The following ZBBX variants were observed in gnomAD, a reference collection of about 807,000 sequenced individuals.
ZBBX encodes zinc finger B-box domain containing, also known as zinc finger B-box domain-containing protein 1.
Under a neutral mutation model 108.5 loss-of-function variants are expected in ZBBX, and 101 were observed. The ratio of observed to expected loss-of-function variants is 0.93; its 90% CI spans 0.79 to 1.10. The LOEUF is 1.10. Ranked by LOEUF, ZBBX falls within the 50% of genes least tolerant of loss-of-function variation. The pLI is 0.00. For synonymous variants in ZBBX, 356 were observed against 323.4 expected (o/e 1.10, Z -1.08); for missense variants, 1,009 against 941.4 (o/e 1.07, Z -0.94).
intron 1 of ZBBX, among the ~76,000 whole-genome samples, chr3:167,401,888 A>C (rs959980312): frequency 2.0e-5 from 3 of 152,142 alleles, no homozygotes; most frequent in Non-Finnish European, 1.5e-5. Flanking sequence ...TCAAAAGATA[A>C]AATAAAAATC....
At chr3:167,366,782 T>G (rs532679627) in intron 5 of ZBBX, 1 of 454,610 alleles carries the variant, frequency 2.2e-6, no homozygotes, top group East Asian at 7.0e-5. Flanking sequence ...AAACTCACTA[T>G]CAGGGCTGAT....
At chr3:167,242,136 T>C (rs564959454) in intron 21 of ZBBX, among the ~76,000 whole-genome samples, 2 of 152,290 alleles carry the variant, frequency 1.3e-5, no homozygotes, top group South Asian at 4.1e-4. Flanking sequence ...AAAAACCTTA[T>C]TCACATTGGG....
At chr3:167,381,748 C>A (rs959718621), upstream of ZBBX, among the ~76,000 whole-genome samples, 1 of 152,100 alleles carries the variant, frequency 6.6e-6, no homozygotes, top group African/African-American at 2.4e-5. Flanking sequence ...TTTCCTAGAT[C>A]CCAAAAATAC....
chr3:167,289,586 C>T (rs1041930338), intron 18 of ZBBX, among the ~76,000 whole-genome samples: 3 of 152,204 alleles, frequency 2.0e-5, no homozygotes, highest in African/African-American at 7.2e-5. Flanking sequence ...GTGCTTTTCC[C>T]GTGGTCTTCG....
chr3:167,326,113 T>A (rs1056482538), intron 11 of ZBBX, among the ~76,000 whole-genome samples: 4 of 152,144 alleles, frequency 2.6e-5, no homozygotes, highest in African/African-American at 9.7e-5. Flanking sequence ...CATAATATCT[T>A]TTAAATACTG....
intron 1 of ZBBX, among the ~76,000 whole-genome samples, chr3:167,385,397 A>G (rs1265840941): frequency 1.3e-5 from 2 of 152,046 alleles, no homozygotes; most frequent in Non-Finnish European, 2.9e-5. Context: ...CCGTAATTAG[A>G]GTTGGCAGAA....
In ZBBX at chr3:167,240,591, T is replaced by G; in HGVS notation, c.*202A>C. 1 of 461,248 alleles carries G rather than the reference T, an allele frequency of 2.2e-6. No homozygotes were observed. The highest frequency in any genetic ancestry group is 3.8e-6 in the Non-Finnish European group (1 of 263,344). 28.6% of individuals were successfully genotyped at this position (461,248 alleles called of 1,614,324 possible). ...TTACTAACATAATCTGCAATATAGA[T>G]TAGTGGTTGACATATAATATATCAT... On this transcript the variant is annotated 3_prime_UTR_variant, in exon 22 of 22. Transcript: ENST00000675490.
At chr3:167,357,296 C>T (rs1282797541) in intron 8 of ZBBX, among the ~76,000 whole-genome samples, 2 of 152,090 alleles carry the variant, frequency 1.3e-5, no homozygotes, top group Admixed American at 1.3e-4. Flanking sequence ...AGGAAGCCAG[C>T]TGAATGAAGA....
chr3:167,330,945 T>TCTCTCTCTCTCTCTCTCTCTC lies in ZBBX; in HGVS notation c.688-2830_688-2829insGAGAGAGAGAGAGAGAGAGAG, dbSNP rs1738465561. Among the ~76,000 whole-genome samples the TCTCTCTCTCTCTCTCTCTCTC allele has an allele frequency of 3.0e-3, 258 of 87,172 alleles. 4 individuals carry two copies. The highest frequency in any genetic ancestry group is 9.7e-3 in the South Asian group (19 of 1,960). The allele number at this position is 87,172 out of a possible 152,430, so 57.2% of individuals were successfully genotyped here. A position where few individuals can be genotyped will look rare whatever the true frequency, so the allele number is the denominator to read the frequency against. On this transcript the variant is annotated intron_variant, in intron 10 of 21. Coordinates refer to ENST00000675490, the MANE Select transcript of ZBBX (RefSeq NM_001199201.2). The stretch of plus-strand genomic sequence containing the variant: ...TATCTCTTCTCTCTCCTCTCTTTCT[T>TCTCTCTCTCTCTCTCTCTCTC]TCTCTCTCTCTCTCTCTCTCCCCCA...
the ZBBX span, among the ~76,000 whole-genome samples, chr3:167,227,627 T>G: frequency 7.3e-4 from 111 of 151,890 alleles, no homozygotes; most frequent in African/African-American, 2.5e-3. Context: ...AAGAAAGGCA[T>G]GGCCTCTTTC....
chr3:167,227,377 G>A, the ZBBX span, among the ~76,000 whole-genome samples: 1 of 151,582 alleles, frequency 6.6e-6, no homozygotes, highest in Non-Finnish European at 1.5e-5. Context: ...CCTTTAGGAA[G>A]GACAAAGCAT....
Position 167,279,939 on chromosome 3 carries a change from C to T in ZBBX, c.2254+2299G>A, listed in dbSNP as rs559140885. Among the ~76,000 whole-genome samples, 84 of 151,750 alleles carry T rather than the reference C, an allele frequency of 5.5e-4. 1 individual carries two copies. The Middle Eastern group carries it at 0.01, about 18-fold the overall frequency. On this transcript the variant is annotated intron_variant, in intron 20 of 21. Coordinates refer to ENST00000675490, the MANE Select transcript of ZBBX (RefSeq NM_001199201.2). ...AACAGAACAGAGCCCTCAGAAATAA[C>T]GCCGCATATCTACAGCTATCTGATC...
intron 1 of ZBBX, among the ~76,000 whole-genome samples, chr3:167,392,302 C>A (rs1160879854): frequency 6.6e-6 from 1 of 151,774 alleles, no homozygotes; most frequent in African/African-American, 2.4e-5. Flanking sequence ...TATAATTACT[C>A]TTTAATGAAC....
At chr3:167,293,932 G>C (rs776859403) in intron 18 of ZBBX, among the ~76,000 whole-genome samples, 2 of 151,994 alleles carry the variant, frequency 1.3e-5, no homozygotes, top group Non-Finnish European at 2.9e-5. Context: ...TAAAGAGTGA[G>C]CTCCCATTCA....
chr3:167,329,929 T>C (rs185454139), intron 10 of ZBBX, among the ~76,000 whole-genome samples: 4 of 152,322 alleles, frequency 2.6e-5, no homozygotes, highest in East Asian at 1.9e-4. Context: ...TTTGCCCACA[T>C]TGATCAACAT....
chr3:167,302,374 ATCTT>A (rs1732851798), intron 17 of ZBBX, among the ~76,000 whole-genome samples: 1 of 152,042 alleles, frequency 6.6e-6, no homozygotes, highest in Non-Finnish European at 1.5e-5. Context: ...ATTTCCTTTA[ATCTT>A]TCTATTAAAT....
chr3:167,364,598 A>G (rs1282399143), intron 6 of ZBBX, among the ~76,000 whole-genome samples: 1 of 151,998 alleles, frequency 6.6e-6, no homozygotes, highest in African/African-American at 2.4e-5. Context: ...TGAAACTGGA[A>G]TAATAATAAC....
chr3:167,348,255 G>A (rs1231785429), intron 9 of ZBBX, among the ~76,000 whole-genome samples: 3 of 114,446 alleles, frequency 2.6e-5, no homozygotes, highest in Non-Finnish European at 5.5e-5. Context: ...GGGAGGGAGG[G>A]TGGAAGGGAA....
chr3:167,268,670 C>T lies in ZBBX; in HGVS notation c.2254+13568G>A, dbSNP rs556658514. 2.2e-4 allele frequency among the ~76,000 whole-genome samples: 33 copies of T among 152,240 alleles called. No homozygotes were observed. In the South Asian group the frequency reaches 6.4e-3, roughly 30 times the overall value. On this transcript the variant is annotated intron_variant, in intron 20 of 21. Transcript: ENST00000675490. ...CCCCCTTGGACAAGGAATGTTAAAA[C>T]TCCACTTTGTCACTAAGAGTTGGCC...
Sources: gnomAD v4.1 joint callset for allele counts (sites outside exome capture counted in the v4.1 genomes callset) on GRCh38, gnomAD v4.1.1 for gene constraint, MANE v1.5 for transcripts, NCBI Gene and HGNC (gene_info 2026-07-23, HGNC 2026-07-21) for gene names.